The following SYT1 variants were observed in gnomAD, a reference collection of about 807,000 sequenced individuals.
The protein encoded by SYT1 is synaptotagmin 1.
In SYT1, 8 loss-of-function variants were observed where a neutral mutation model predicts 44.8. That is an observed-to-expected ratio of 0.18 (90% CI 0.10 to 0.32). The LOEUF is 0.32. Ranked by LOEUF, SYT1 falls within the 10% of genes least tolerant of loss-of-function variation. SYT1 has a pLI of 1.00. For missense variants in SYT1, 286 were observed against 509.3 expected (o/e 0.56, Z 4.22); for synonymous variants, 154 against 188.8 (o/e 0.82, Z 1.51).
At chr12:79,133,558 G>A (rs1868989568) in intron 3 of SYT1, among the ~76,000 whole-genome samples, 1 of 151,974 alleles carries the variant, frequency 6.6e-6, no homozygotes, top group African/African-American at 2.4e-5. Flanking sequence ...AAATTAAAAG[G>A]CTTTAAAATG....
At chr12:78,868,916 CAAAT>C (rs913721682) in intron 1 of SYT1, 3 of 151,712 alleles carry the variant, frequency 2.0e-5, no homozygotes, top group Non-Finnish European at 4.4e-5. Flanking sequence ...ATACAGGTAA[CAAAT>C]AAGTTGAAAT....
intron 3 of SYT1, among the ~76,000 whole-genome samples, chr12:79,123,529 T>C (rs7975328): frequency 0.11 from 17,159 of 152,252 alleles, 1,033 homozygotes; most frequent in African/African-American, 0.13. Context: ...TTCAAGGCTA[T>C]GCTCTTAACC....
intron 3 of SYT1, among the ~76,000 whole-genome samples, chr12:79,149,150 T>A (rs970957236): frequency 2.6e-5 from 4 of 152,088 alleles, no homozygotes; most frequent in African/African-American, 9.7e-5. Flanking sequence ...TTTTTTACTT[T>A]ATTTGACTTG....
intron 3 of SYT1, among the ~76,000 whole-genome samples, chr12:79,099,606 C>A (rs971946884): frequency 6.6e-6 from 1 of 151,832 alleles, no homozygotes; most frequent in Non-Finnish European, 1.5e-5. Flanking sequence ...CCTTAAATAG[C>A]TTGTCATTTC....
intron 3 of SYT1, among the ~76,000 whole-genome samples, chr12:79,108,448 A>T (rs1051770004): frequency 6.6e-6 from 1 of 152,076 alleles, no homozygotes; most frequent in South Asian, 2.1e-4. Flanking sequence ...AAAATTCAAT[A>T]TAACAAAAAC....
At chr12:79,260,176 G>A (rs1193450957) in intron 4 of SYT1, among the ~76,000 whole-genome samples, 6 of 152,146 alleles carry the variant, frequency 3.9e-5, no homozygotes. Context: ...AAAGAAAATT[G>A]TTTTTAAGAT....
Position 79,206,278 on chromosome 12 carries a change from A to G in SYT1, c.-17-11225A>G, listed in dbSNP as rs184393667. ...ATATTGCTTTACTGTTGCCTCCAAA[A>G]TCTTCCAAATTGCTTGACTCTCATT... On this transcript the variant is annotated intron_variant, in intron 3 of 10. Coordinates refer to ENST00000261205, the MANE Select transcript of SYT1 (RefSeq NM_005639.3). 2.6e-5 allele frequency among the ~76,000 whole-genome samples: 4 copies of G among 152,304 alleles called. No individual in the cohort carries two copies. The East Asian group carries it at 5.8e-4, about 22-fold the overall frequency.
chr12:79,275,174 T>C (rs529543691), intron 4 of SYT1, among the ~76,000 whole-genome samples: 1 of 152,106 alleles, frequency 6.6e-6, no homozygotes, highest in Non-Finnish European at 1.5e-5. Context: ...AACTTTCTGC[T>C]TGTGGGCAAA....
At chr12:79,154,100 G>A (rs1162947112) in intron 3 of SYT1, among the ~76,000 whole-genome samples, 2 of 152,156 alleles carry the variant, frequency 1.3e-5, no homozygotes, top group Admixed American at 6.5e-5. Flanking sequence ...TGTGAAGTTA[G>A]GCTGAGACCT....
chr12:79,430,311 T>C (rs1593061068), intron 9 of SYT1, among the ~76,000 whole-genome samples: 1 of 152,220 alleles, frequency 6.6e-6, no homozygotes, highest in East Asian at 1.9e-4. Flanking sequence ...CATAAGTCAT[T>C]TGGCAAGAAA....
At chr12:79,323,035 C>T (rs950765610) in intron 8 of SYT1, among the ~76,000 whole-genome samples, 2 of 151,738 alleles carry the variant, frequency 1.3e-5, no homozygotes, top group Admixed American at 1.3e-4. Context: ...TGTAATTCAT[C>T]AAAGAAGGTA....
At chr12:79,229,705 T>G (rs1354737199) in intron 4 of SYT1, among the ~76,000 whole-genome samples, 4 of 152,134 alleles carry the variant, frequency 2.6e-5, no homozygotes, top group African/African-American at 9.7e-5. Flanking sequence ...GCGATTCTCC[T>G]GCCTTAGTCT....
intron 2 of SYT1, among the ~76,000 whole-genome samples, chr12:79,032,697 A>G (rs1872900516): frequency 6.6e-6 from 1 of 151,352 alleles, no homozygotes; most frequent in African/African-American, 2.4e-5. Context: ...AGATTCCAGT[A>G]AAGTCTGTTA....
At chr12:78,932,822 C>A (rs1877828797) in intron 1 of SYT1, among the ~76,000 whole-genome samples, 1 of 152,148 alleles carries the variant, frequency 6.6e-6, no homozygotes, top group Non-Finnish European at 1.5e-5. Context: ...GGAGTCCATT[C>A]TACTAAGTCA....
intron 1 of SYT1, among the ~76,000 whole-genome samples, chr12:78,899,531 G>T (rs979878915): frequency 6.6e-6 from 1 of 151,972 alleles, no homozygotes; most frequent in African/African-American, 2.4e-5. Context: ...ATATTTAAGT[G>T]TGGGTGGAGA....
intron 3 of SYT1, among the ~76,000 whole-genome samples, chr12:79,143,298 C>T (rs1260354863): frequency 6.6e-6 from 1 of 152,150 alleles, no homozygotes; most frequent in African/African-American, 2.4e-5. Flanking sequence ...TTGTCTTTTG[C>T]AGCGTTTTCA....
chr12:79,404,585 A>G (rs1235734056), intron 9 of SYT1, among the ~76,000 whole-genome samples: 1 of 152,192 alleles, frequency 6.6e-6, no homozygotes, highest in Non-Finnish European at 1.5e-5. Flanking sequence ...ATCCGAGCAT[A>G]TATTCTACTT....
intron 2 of SYT1, 45 bp downstream of exon 2, chr12:78,977,976 A>G (rs1592626172): frequency 6.6e-6 from 1 of 151,968 alleles, no homozygotes; most frequent in African/African-American, 2.4e-5. Flanking sequence ...TTGATGATCA[A>G]CCTCCTTTAT....
chr12:79,400,019 T>C (rs1273990807), intron 9 of SYT1, among the ~76,000 whole-genome samples: 2 of 152,222 alleles, frequency 1.3e-5, no homozygotes, highest in African/African-American at 4.8e-5. Flanking sequence ...CTTGAGTTAA[T>C]GCAAAGAGCT....
Sources: allele counts gnomAD v4.1 joint callset (sites outside exome capture counted in the v4.1 genomes callset), GRCh38; gene constraint gnomAD v4.1.1; transcripts MANE v1.5; gene names NCBI Gene and HGNC (gene_info 2026-07-23, HGNC 2026-07-21).